The following SWT1 variants were observed in gnomAD, a reference collection of about 807,000 sequenced individuals.
The protein encoded by SWT1 is transcriptional protein SWT1.
In SWT1, 33 loss-of-function variants were observed where a neutral mutation model predicts 107.3. That is an observed-to-expected ratio of 0.31 (90% confidence interval 0.23 to 0.41). The LOEUF is 0.41. Ranked by LOEUF, SWT1 falls within the 10% of genes least tolerant of loss-of-function variation. SWT1 has a pLI of 1.00. For missense variants in SWT1, 898 were observed against 1,028.9 expected, an observed-to-expected ratio of 0.87 and a Z score of 1.74; for synonymous variants, 345 against 348.3, an observed-to-expected ratio of 0.99 and a Z score of 0.11.
chr1:185,276,679 T>C lies in SWT1; in HGVS notation c.2573+11T>C, dbSNP rs1208179395. On this transcript the variant is annotated intron_variant, in intron 18 of 18. Coordinates refer to ENST00000367500, the MANE Select transcript of SWT1 (RefSeq NM_017673.7). ...TCAGACTGAGTATAGGTAAGTCATA[T>C]CTATATATAGATATAAACCATTGTA... 2.7e-6 allele frequency: 4 copies of C among 1,470,466 alleles called. No individual in the cohort carries two copies. Among genetic ancestry groups the C allele is most frequent in the Non-Finnish European group, 3.8e-6 (4 of 1,059,534 alleles). The allele number at this position is 1,470,466 out of a possible 1,614,324, so 91.1% of individuals were successfully genotyped here. A position where few individuals can be genotyped will look rare whatever the true frequency, so the allele number is the denominator to read the frequency against.
intron 16 of SWT1, among the ~76,000 whole-genome samples, chr1:185,236,595 A>G (rs2102591603): frequency 6.6e-6 from 1 of 152,370 alleles, no homozygotes; most frequent in Non-Finnish European, 1.5e-5. Context: ...CTTAAACATA[A>G]GACCTAAAAC....
intron 14 of SWT1, among the ~76,000 whole-genome samples, chr1:185,221,391 A>G (rs1659646189): frequency 6.6e-6 from 1 of 151,460 alleles, no homozygotes; most frequent in Admixed American, 6.6e-5. Context: ...TAAGTTAGAA[A>G]CCTTCAGTGG....
intron 13 of SWT1, among the ~76,000 whole-genome samples, chr1:185,212,896 A>G (rs1235219500): frequency 6.6e-6 from 1 of 152,120 alleles, no homozygotes; most frequent in East Asian, 1.9e-4. Flanking sequence ...TAATACCTTC[A>G]GCTGTTGAAT....
At chr1:185,171,420 A>G (rs1315746887) in intron 4 of SWT1, 1 of 236,564 alleles carries the variant, frequency 4.2e-6, no homozygotes, top group Non-Finnish European at 8.7e-6. Flanking sequence ...GCAGTTACGC[A>G]CGTCCAATCA....
intron 16 of SWT1, among the ~76,000 whole-genome samples, chr1:185,269,633 A>G (rs905603078): frequency 2.0e-5 from 3 of 152,218 alleles, no homozygotes; most frequent in Non-Finnish European, 4.4e-5. Flanking sequence ...AGAATCAAGT[A>G]GTGGCAAGGA....
chr1:185,236,881 C>A (rs768079698), intron 16 of SWT1, among the ~76,000 whole-genome samples: 1 of 151,976 alleles, frequency 6.6e-6, no homozygotes, highest in East Asian at 1.9e-4. Flanking sequence ...AAAAACAACC[C>A]CATCAAAAAG....
chr1:185,290,113 A>G (rs1422284905), intron 18 of SWT1, among the ~76,000 whole-genome samples: 2 of 148,810 alleles, frequency 1.3e-5, no homozygotes, highest in East Asian at 3.9e-4. Context: ...AAAAAAAAGC[A>G]AAACAAAACA....
intron 16 of SWT1, among the ~76,000 whole-genome samples, chr1:185,266,907 TGC>T (rs1452934266): frequency 6.6e-6 from 1 of 152,226 alleles, no homozygotes; most frequent in Non-Finnish European, 1.5e-5. Context: ...TGAAATAATT[TGC>T]CAGAAGCATT....
At chr1:185,242,608 A>G (rs1377463868) in intron 16 of SWT1, among the ~76,000 whole-genome samples, 3 of 152,202 alleles carry the variant, frequency 2.0e-5, no homozygotes, top group Non-Finnish European at 2.9e-5. Context: ...GTTTTGGATG[A>G]CAGAGTTAAA....
intron 18 of SWT1, chr1:185,281,355 G>T: frequency 4.2e-6 from 1 of 236,538 alleles, no homozygotes; most frequent in Non-Finnish European, 8.6e-6. Context: ...AAACATTTGA[G>T]CATGTGACTG....
rs1658176153 is a variant in SWT1, at chr1:185,204,768, A to G, written c.1738A>G (p.Ser580Gly). Residue 580 changes from serine to glycine, a missense_variant, in exon 12 of 19, where the codon AGC becomes GGC. Physicochemically the swap from Ser to Gly is moderately conservative, Grantham distance 56. Around this residue, in one of 6 missense-constraint regions of SWT1, gnomAD observed 382 missense variants for 460.0 expected, o/e 0.83. Transcript: ENST00000367500. ...TTCTGGACTGTCCATTCTGCTTGAG[A>G]GCATTGTATCTGATCTTGAAAAATC... Reference protein sequence around the residue: ...TNSGLSILLESIVSDLEKSLG... With the variant: ...TNSGLSILLEGIVSDLEKSLG... 6.3e-7 allele frequency: 1 copy of G among 1,599,082 alleles called. No individual in the cohort carries two copies.
intron 14 of SWT1, among the ~76,000 whole-genome samples, chr1:185,216,643 C>G (rs1426742543): frequency 6.6e-6 from 1 of 151,948 alleles, no homozygotes; most frequent in African/African-American, 2.4e-5. Flanking sequence ...TATATGTTGC[C>G]CATTGCATAC....
chr1:185,291,678 ATTT>A lies in SWT1; in HGVS notation c.*878_*880del, dbSNP rs1260873972. 6.6e-6 allele frequency: 1 copy of A among 152,614 alleles called. No homozygotes were observed. The highest frequency in any genetic ancestry group is 1.5e-5 in the Non-Finnish European group (1 of 68,018). The allele number at this position is 152,614 out of a possible 1,614,324, so 9.5% of individuals were successfully genotyped here. On this transcript the variant is annotated 3_prime_UTR_variant, in exon 19 of 19. Coordinates refer to ENST00000367500, the MANE Select transcript of SWT1 (RefSeq NM_017673.7). ...TATTTTTTAAAGCAATAAATAACTT[ATTT>A]TTGGTAAGATTTGGCTTTTTACTTC...
At chr1:185,213,346 A>G (rs1658974265) in intron 13 of SWT1, among the ~76,000 whole-genome samples, 1 of 152,198 alleles carries the variant, frequency 6.6e-6, no homozygotes, top group Non-Finnish European at 1.5e-5. Flanking sequence ...TTTAAAAAGA[A>G]ATGAAAGTTT....
At chr1:185,187,460 T>C (rs1000468719) in intron 9 of SWT1, among the ~76,000 whole-genome samples, 7 of 152,214 alleles carry the variant, frequency 4.6e-5, no homozygotes, top group African/African-American at 1.7e-4. Context: ...ATATTTTTCA[T>C]TGTATTTTTA....
At chr1:185,233,893 G>C (rs1228786897) in intron 16 of SWT1, among the ~76,000 whole-genome samples, 1 of 151,966 alleles carries the variant, frequency 6.6e-6, no homozygotes, top group Non-Finnish European at 1.5e-5. Flanking sequence ...ACAGGCACCC[G>C]CCACCATGCC....
intron 13 of SWT1, 114 bp from the exon 14 acceptor site, chr1:185,214,393 A>T: frequency 1.5e-6 from 1 of 664,982 alleles, no homozygotes. Flanking sequence ...AGTGGCATAT[A>T]GGTATAAATG....
At position 185,290,854 on chromosome 1, in the gene SWT1, A is replaced by G. The variant is rs769210355; in HGVS notation, c.*51A>G. 4.1e-5 allele frequency: 62 copies of G among 1,528,508 alleles called. No homozygotes were observed. The Middle Eastern group carries it at 5.5e-4, about 14-fold the overall frequency. 94.7% of individuals were successfully genotyped at this position (1,528,508 alleles called of 1,614,324 possible). ...TTGCATTTGTCCTTAAGAATAACAG[A>G]GTAGTTTTCAATCTGGTCACTCTTT... On this transcript the variant is annotated 3_prime_UTR_variant, in exon 19 of 19. Coordinates refer to ENST00000367500, the MANE Select transcript of SWT1 (RefSeq NM_017673.7).
At chr1:185,290,552 A>G (rs574763389) in intron 18 of SWT1, 122 bp from the exon 19 acceptor site, 16 of 585,096 alleles carry the variant, frequency 2.7e-5, no homozygotes, top group African/African-American at 2.7e-4. Context: ...TCAGAATATC[A>G]TGTTATACAT....
Sources: allele counts gnomAD v4.1 joint callset (sites outside exome capture counted in the v4.1 genomes callset), GRCh38; gene constraint gnomAD v4.1.1; regional missense constraint gnomAD v4.1.1; transcripts MANE v1.5; gene names NCBI Gene and HGNC (gene_info 2026-07-23, HGNC 2026-07-21).